Variants in KCNMA1 observed in about 807,000 individuals in gnomAD.
KCNMA1 encodes the protein Calcium-activated potassium channel subunit alpha-1.
A neutral mutation model predicts 140.0 loss-of-function variants in KCNMA1; 29 were observed. That is an observed-to-expected ratio of 0.21 (90% CI 0.15 to 0.28). The LOEUF (loss-of-function observed/expected upper bound fraction) is 0.28, where lower values mean the gene tolerates loss of function less well. KCNMA1 is among the 10% of genes least tolerant of loss of function. The probability of loss-of-function intolerance (pLI) is 1.00; values close to 1 mark genes in which losing one functional copy is unlikely to be tolerated. For synonymous variants in KCNMA1, 612 were observed against 611.9 expected, an observed-to-expected ratio of 1.00 and a Z score of 0.00; for missense variants, 880 against 1,602.2, an observed-to-expected ratio of 0.55 and a Z score of 7.70.
chr10:77,025,281 T>TAC (rs1555137508), intron 16 of KCNMA1, among the ~76,000 whole-genome samples: 417 of 122,096 alleles, frequency 3.4e-3, no homozygotes, highest in Non-Finnish European at 5.1e-3. Context: ...TATATATATA[T>TAC]ACACACACAC....
intron 1 of KCNMA1, among the ~76,000 whole-genome samples, chr10:77,576,387 C>T (rs370375397): frequency 3.3e-5 from 5 of 152,226 alleles, no homozygotes; most frequent in Admixed American, 3.3e-4. Context: ...CTCTTAGCCT[C>T]TCTTTCTCCC....
In KCNMA1 at chr10:77,472,772, C is replaced by T. The variant is rs578230756; in HGVS notation, c.379-68749G>A. Among the ~76,000 whole-genome samples the T allele has an allele frequency of 3.9e-5, 6 of 152,162 alleles. No individual in the cohort carries two copies. The East Asian group carries it at 7.7e-4, about 20-fold the overall frequency. On this transcript the variant is annotated intron_variant, in intron 1 of 27. Transcript: ENST00000286628. Reference sequence around the variant, plus strand: ...TTTCATCTGTGACATCTGTGGAGAGCGCTGGAGCTTGTGTTTATTCATAGG... The same window carrying T: ...TTTCATCTGTGACATCTGTGGAGAGTGCTGGAGCTTGTGTTTATTCATAGG...
chr10:77,636,942 C>A, intron 1 of KCNMA1: 1 of 1,418,778 alleles, frequency 7.0e-7, no homozygotes, highest in Non-Finnish European at 9.1e-7. Context: ...CTGTCCCCAC[C>A]CCGCACCACG....
chr10:77,169,657 G>A (rs1359329951), intron 5 of KCNMA1, among the ~76,000 whole-genome samples: 1 of 152,074 alleles, frequency 6.6e-6, no homozygotes, highest in Non-Finnish European at 1.5e-5. Flanking sequence ...TGGGATTACA[G>A]GAGTGAGCCA....
rs2073246325 is a variant in KCNMA1, at chr10:77,574,451, T to C, written c.378+62814A>G. 6.6e-5 allele frequency among the ~76,000 whole-genome samples: 10 copies of C among 152,258 alleles called. No individual in the cohort carries two copies. The South Asian group carries it at 2.1e-3, about 32-fold the overall frequency. ...CCTCTGAATCTTTTTAACACAAACA[T>C]CCTGTGGATTGTTTTTTCTGGTGTT... On this transcript the variant is annotated intron_variant, in intron 1 of 27. Transcript: ENST00000286628.
chr10:77,448,790 A>G (rs2097575041), intron 1 of KCNMA1, among the ~76,000 whole-genome samples: 1 of 152,192 alleles, frequency 6.6e-6, no homozygotes, highest in Non-Finnish European at 1.5e-5. Flanking sequence ...AATTTGATGT[A>G]ACAAAATACT....
intron 15 of KCNMA1, among the ~76,000 whole-genome samples, chr10:77,035,282 C>T (rs1037480324): frequency 2.6e-5 from 4 of 152,168 alleles, no homozygotes; most frequent in East Asian, 1.9e-4. Flanking sequence ...AATCAAAACT[C>T]CCGACAAGAC....
chr10:77,286,787 A>G (rs1483391967), intron 2 of KCNMA1, among the ~76,000 whole-genome samples: 2 of 140,538 alleles, frequency 1.4e-5, no homozygotes, highest in African/African-American at 5.1e-5. Flanking sequence ...GGGGGGTTCC[A>G]TTCTTACTTT....
intron 2 of KCNMA1, among the ~76,000 whole-genome samples, chr10:77,329,410 A>G (rs1275430987): frequency 6.6e-6 from 1 of 152,194 alleles, no homozygotes; most frequent in Non-Finnish European, 1.5e-5. Flanking sequence ...TTTAAAAAAG[A>G]GATTCCAGAG....
chr10:77,221,275 C>G (rs957810926), intron 3 of KCNMA1, among the ~76,000 whole-genome samples: 1 of 152,156 alleles, frequency 6.6e-6, no homozygotes, highest in Non-Finnish European at 1.5e-5. Context: ...ATCACTCAAG[C>G]TTTTTCTCTA....
chr10:77,293,955 T>A (rs1190955732), intron 2 of KCNMA1, among the ~76,000 whole-genome samples: 1 of 152,266 alleles, frequency 6.6e-6, no homozygotes, highest in Non-Finnish European at 1.5e-5. Context: ...ACAATAGCTG[T>A]GTCACATCCA....
chr10:77,296,907 G>GT lies in KCNMA1; in HGVS notation c.541-45652dup, dbSNP rs1424251194. Among the ~76,000 whole-genome samples, 41 of 142,480 alleles carry GT rather than the reference G, an allele frequency of 2.9e-4. 1 individual carries two copies. Among genetic ancestry groups the GT allele is most frequent in the South Asian group, 9.0e-4 (4 of 4,432 alleles). The allele number at this position is 142,480 out of a possible 152,430, so 93.5% of individuals were successfully genotyped here. ...AAATCTAAGAGGAATGCCTGGGTGT[G>GT]TGGGCGGGGGGGCGGTGGGGGAATG... On this transcript the variant is annotated intron_variant, in intron 2 of 27. Coordinates refer to ENST00000286628, the MANE Select transcript of KCNMA1 (RefSeq NM_001161352.2).
chr10:76,989,578 T>C (rs575931395), intron 19 of KCNMA1, among the ~76,000 whole-genome samples: 2 of 152,354 alleles, frequency 1.3e-5, no homozygotes, highest in Admixed American at 1.3e-4. Context: ...TACTGGATAG[T>C]CAAGATGGAA....
chr10:76,896,023 C>T (rs758060506), intron 25 of KCNMA1, among the ~76,000 whole-genome samples: 4 of 152,212 alleles, frequency 2.6e-5, no homozygotes, highest in African/African-American at 4.8e-5. Context: ...GCTGTGCAGG[C>T]GTTGTCATTG....
In KCNMA1 at chr10:76,919,628, GTCCTGGAT is replaced by G. The variant is rs199876322; in HGVS notation, c.2903-4587_2903-4580del. 5.6e-4 allele frequency among the ~76,000 whole-genome samples: 85 copies of G among 152,242 alleles called. No homozygotes were observed. The East Asian group carries it at 0.016, about 28-fold the overall frequency. ...AACAGCATGGGCTGTAAAGTCAGGT[GTCCTGGAT>G]TCAAATTCTGGCACCTCCACCTATA... On this transcript the variant is annotated intron_variant, in intron 23 of 27. Coordinates refer to ENST00000286628, the MANE Select transcript of KCNMA1 (RefSeq NM_001161352.2).
At chr10:77,006,190 A>G (rs1336710576) in intron 18 of KCNMA1, among the ~76,000 whole-genome samples, 1 of 152,192 alleles carries the variant, frequency 6.6e-6, no homozygotes, top group Non-Finnish European at 1.5e-5. Context: ...AGGCAGGAAA[A>G]AGCAGTACTG....
chr10:77,090,777 A>C, intron 9 of KCNMA1: 1 of 545,582 alleles, frequency 1.8e-6, no homozygotes, highest in Non-Finnish European at 3.3e-6. Flanking sequence ...TGTTTGGCCA[A>C]GTGGTTTTAT....
chr10:77,187,514 T>C (rs991722853), intron 3 of KCNMA1, among the ~76,000 whole-genome samples: 4 of 152,236 alleles, frequency 2.6e-5, no homozygotes, highest in Admixed American at 1.3e-4. Flanking sequence ...GATTTCATCA[T>C]GTTTCATTAT....
At chr10:76,963,766 C>T (rs971679929) in intron 20 of KCNMA1, among the ~76,000 whole-genome samples, 1 of 152,208 alleles carries the variant, frequency 6.6e-6, no homozygotes, top group Admixed American at 6.5e-5. Context: ...AAATTAAATA[C>T]TAGTCCTCGC....
Sources: gnomAD v4.1 joint callset for allele counts (sites outside exome capture counted in the v4.1 genomes callset) on GRCh38, gnomAD v4.1.1 for gene constraint, MANE v1.5 for transcripts, NCBI Gene and HGNC (gene_info 2026-07-23, HGNC 2026-07-21) for gene names.